The following CD300LF variants were observed in gnomAD, a reference collection of about 807,000 sequenced individuals.
The protein encoded by CD300LF is CMRF35-like molecule 1.
In CD300LF, 27 loss-of-function variants were observed where a neutral mutation model predicts 32.2. The observed-to-expected ratio is 0.84, with a 90% CI of 0.62 to 1.15. The LOEUF is 1.15. CD300LF is among the 50% of genes most tolerant of loss of function. CD300LF has a pLI of 0.00. For synonymous variants in CD300LF, 139 were observed against 143.2 expected (o/e 0.97, Z 0.21); for missense variants, 348 against 356.8 (o/e 0.98, Z 0.20).
intron 1 of CD300LF, among the ~76,000 whole-genome samples, chr17:74,706,282 A>AT (rs1555586594): frequency 0.037 from 5,310 of 145,082 alleles, 119 homozygotes; most frequent in African/African-American, 0.067. Context: ...GGAAAAAAAA[A>AT]ATATATATAT....
At position 74,698,467 on chromosome 17, in the gene CD300LF, T is replaced by C. The variant is rs552740986; in HGVS notation, c.461A>G (p.Lys154Arg). The change falls in exon 4 of 7, where the codon AAG becomes AGG. Residue 154 changes from lysine (K) to arginine (R), a missense_variant. Transcript: ENST00000326165. ...GATGAGGGGCAGGAGGACACTGAGC[T>C]TCAGGAGCTTGTGCCTAGAAACAAT... ...HHLDNRHKLL[K>R]LSVLLPLIFT... is the part of the protein sequence containing the mutation. The C allele has an allele frequency of 1.9e-6, 3 of 1,613,768 alleles. No individual in the cohort carries two copies. In the East Asian group the frequency reaches 6.7e-5, roughly 36 times the overall value.
At chr17:74,700,265 C>T (rs941119697) in intron 3 of CD300LF, among the ~76,000 whole-genome samples, 16 of 152,274 alleles carry the variant, frequency 1.1e-4, no homozygotes, top group African/African-American at 3.4e-4. Context: ...CTGACAATGG[C>T]CTCCACTCCT....
intron 2 of CD300LF, among the ~76,000 whole-genome samples, chr17:74,704,192 A>G (rs1430781578): frequency 6.6e-6 from 1 of 152,198 alleles, no homozygotes; most frequent in Non-Finnish European, 1.5e-5. Context: ...CCTTTGGCCC[A>G]TGGGCTGAAA....
chr17:74,711,674 T>C (rs1446653874), intron 1 of CD300LF, among the ~76,000 whole-genome samples: 1 of 152,146 alleles, frequency 6.6e-6, no homozygotes, highest in African/African-American at 2.4e-5. Flanking sequence ...TCCCTGTGCC[T>C]GGAAAGCTGG....
chr17:74,704,838 G>C, intron 1 of CD300LF, 22 bp from the exon 2 acceptor site: 5 of 1,581,736 alleles, frequency 3.2e-6, no homozygotes, highest in Non-Finnish European at 4.3e-6. Flanking sequence ...AAATTCATGT[G>C]CTGTCACCTC....
rs2143974051 is a variant in CD300LF, at chr17:74,712,860, G to A, written c.7C>T (p.Leu3=). The change falls in exon 1 of 7, where the codon CTG becomes TTG. Residue 3 remains leucine, a synonymous_variant. Transcript: ENST00000326165. ...AAGAGGAGCAGGTAGAGTGTCAGCA[G>A]GGGCATCTTCTCTTCAGACAGGTCC... MP[L]LTLYLLLFWL... The A allele has an allele frequency of 6.2e-7, 1 of 1,614,022 alleles. No individual in the cohort carries two copies. Among genetic ancestry groups the A allele is most frequent in the Non-Finnish European group, 8.5e-7 (1 of 1,179,946 alleles).
At chr17:74,709,452 T>C (rs1428681112) in intron 1 of CD300LF, among the ~76,000 whole-genome samples, 1 of 152,210 alleles carries the variant, frequency 6.6e-6, no homozygotes, top group South Asian at 2.1e-4. Context: ...CATTCATATG[T>C]ACTTTATAAT....
intron 1 of CD300LF, 147 bp from the exon 2 acceptor site, chr17:74,704,963 T>G (rs1482304483): frequency 4.5e-6 from 3 of 666,858 alleles, no homozygotes; most frequent in Non-Finnish European, 7.6e-6. Flanking sequence ...AAAACTTTTG[T>G]CCTTCAGCTT....
chr17:74,710,750 C>G (rs1344917364), intron 1 of CD300LF, among the ~76,000 whole-genome samples: 2 of 151,946 alleles, frequency 1.3e-5, no homozygotes, highest in Non-Finnish European at 2.9e-5. Context: ...ACCTGTAATC[C>G]CAGCTACTTG....
chr17:74,699,075 C>T (rs1598219342), intron 3 of CD300LF, among the ~76,000 whole-genome samples: 1 of 152,082 alleles, frequency 6.6e-6, no homozygotes, highest in African/African-American at 2.4e-5. Context: ...CCCACCACCA[C>T]ACCTAGCTAA....
At chr17:74,697,199 C>T (rs1490865401) in intron 4 of CD300LF, among the ~76,000 whole-genome samples, 2 of 152,182 alleles carry the variant, frequency 1.3e-5, no homozygotes, top group Non-Finnish European at 2.9e-5. Flanking sequence ...CCGCCTCAAC[C>T]TCCCTAAGTG....
At position 74,705,211 on chromosome 17, in the gene CD300LF, C is replaced by T. The variant is rs556337565; in HGVS notation, c.44-395G>A. On this transcript the variant is annotated intron_variant, in intron 1 of 6. Coordinates refer to ENST00000326165, the MANE Select transcript of CD300LF (RefSeq NM_139018.5). ...CTTTCCACAGGGTCTTACCTTGACTCTTAGCACTGATGACCCTCATGAGGT... is the reference window on the plus strand; with the variant it reads ...CTTTCCACAGGGTCTTACCTTGACTTTTAGCACTGATGACCCTCATGAGGT... 5 of 702,472 alleles carry T rather than the reference C, an allele frequency of 7.1e-6. No homozygotes were observed. In the East Asian group the frequency reaches 1.3e-4, roughly 19 times the overall value. The allele number at this position is 702,472 out of a possible 1,614,324, so 43.5% of individuals were successfully genotyped here.
intron 2 of CD300LF, 108 bp downstream of exon 2, chr17:74,704,370 A>G (rs2033333864): frequency 1.2e-6 from 1 of 826,150 alleles, no homozygotes; most frequent in Non-Finnish European, 1.9e-6. Context: ...GAGACTCGGG[A>G]CTCAAGTGAT....
At chr17:74,706,915 T>C (rs1174467230) in intron 1 of CD300LF, among the ~76,000 whole-genome samples, 1 of 152,138 alleles carries the variant, frequency 6.6e-6, no homozygotes, top group Non-Finnish European at 1.5e-5. Flanking sequence ...TAAACAGTGC[T>C]GGGAAAACTC....
At chr17:74,702,584 A>G (rs1433781600) in intron 3 of CD300LF, among the ~76,000 whole-genome samples, 1 of 152,192 alleles carries the variant, frequency 6.6e-6, no homozygotes, top group Non-Finnish European at 1.5e-5. Flanking sequence ...GGACTTCCCC[A>G]AGCCCTCCTT....
chr17:74,701,856 A>G (rs1029678222), intron 3 of CD300LF, among the ~76,000 whole-genome samples: 5 of 151,506 alleles, frequency 3.3e-5, no homozygotes, highest in African/African-American at 1.2e-4. Context: ...TCAAAAAAAA[A>G]AAAAAAAAAA....
chr17:74,704,536 A>T lies in CD300LF; in HGVS notation c.324T>A (p.Cys108Ter). Residue 108 changes from cysteine to a stop codon, truncating the protein, a stop_gained, in exon 2 of 7, where the codon TGT (cysteine) becomes TGA (stop). Coordinates refer to ENST00000326165, the MANE Select transcript of CD300LF (RefSeq NM_139018.5). LOFTEE classifies it high-confidence loss of function. ...GGTCATTTCCAGTTTTCTCAATTCC[A>T]CACCAGTAAGTGTCAGCATCAGTTT... ...LMKTDADTYW[C>*]GIEKTGNDLG... 6.2e-7 allele frequency: 1 copy of T among 1,614,072 alleles called. No individual in the cohort carries two copies. The highest frequency in any genetic ancestry group is 8.5e-7 in the Non-Finnish European group (1 of 1,180,008).
chr17:74,707,629 C>T (rs571967172), intron 1 of CD300LF, among the ~76,000 whole-genome samples: 17 of 151,414 alleles, frequency 1.1e-4, no homozygotes, highest in Non-Finnish European at 2.1e-4. Flanking sequence ...GTGGGAGAAT[C>T]GTCTGAACCT....
intron 2 of CD300LF, 187 bp downstream of exon 2, chr17:74,704,291 C>G (rs928967540): frequency 3.2e-5 from 19 of 592,992 alleles, no homozygotes; most frequent in Admixed American, 9.1e-5. Flanking sequence ...GGAGGGAGCC[C>G]TGGGAGCCAT....
Sources: allele counts gnomAD v4.1 joint callset (sites outside exome capture counted in the v4.1 genomes callset), GRCh38; gene constraint gnomAD v4.1.1; transcripts MANE v1.5; gene names NCBI Gene and HGNC (gene_info 2026-07-23, HGNC 2026-07-21).